The following MAIP1 variants were observed in gnomAD, a reference collection of about 807,000 sequenced individuals.
The protein encoded by MAIP1 is matrix AAA peptidase interacting protein 1.
MAIP1 carries 28 observed loss-of-function variants against 31.2 expected under a neutral mutation model. The ratio of observed to expected loss-of-function variants is 0.90; its 90% CI spans 0.67 to 1.23. The LOEUF is 1.23. Ranked by LOEUF, MAIP1 falls within the 50% of genes most tolerant of loss-of-function variation. The pLI, the probability that MAIP1 is intolerant of heterozygous loss-of-function variation, is 0.00. For synonymous variants in MAIP1, 142 were observed against 142.3 expected, an observed-to-expected ratio of 1.00 and a Z score of 0.02; for missense variants, 339 against 356.0, an observed-to-expected ratio of 0.95 and a Z score of 0.38.
chr2:199,960,997 C>T (rs1184369589), intron 3 of MAIP1, among the ~76,000 whole-genome samples: 1 of 152,142 alleles, frequency 6.6e-6, no homozygotes, highest in African/African-American at 2.4e-5. Context: ...CTAATTTTTG[C>T]ATCAGGAGTT....
At chr2:199,961,988 T>C in intron 4 of MAIP1, 60 bp downstream of exon 4, 1 of 1,393,152 alleles carries the variant, frequency 7.2e-7, no homozygotes, top group Non-Finnish European at 9.8e-7. Flanking sequence ...AGTGTGAAGG[T>C]ATGAAAACTA....
chr2:199,955,418 T>A, upstream of MAIP1: 2 of 1,613,906 alleles, frequency 1.2e-6, no homozygotes, highest in Non-Finnish European at 1.7e-6. Flanking sequence ...CTGCATGAAC[T>A]GCTCCCGAGA....
chr2:199,961,756 T>C, intron 3 of MAIP1, 25 bp from the exon 4 acceptor site: 2 of 1,588,264 alleles, frequency 1.3e-6, no homozygotes, highest in Non-Finnish European at 8.6e-7. Context: ...TGTATTCGTA[T>C]GTGTGTATAT....
At chr2:199,955,516 T>G, upstream of MAIP1, 1 of 1,598,872 alleles carries the variant, frequency 6.3e-7, no homozygotes. Context: ...ACTTCGGCTC[T>G]AAAGCGTTCC....
chr2:199,963,080 A>C (rs2077644946), intron 4 of MAIP1, among the ~76,000 whole-genome samples: 1 of 151,488 alleles, frequency 6.6e-6, no homozygotes, highest in African/African-American at 2.4e-5. Context: ...ATTTTGCTTT[A>C]TTTGTAATTA....
intron 3 of MAIP1, among the ~76,000 whole-genome samples, chr2:199,960,241 A>G (rs2077628968): frequency 6.6e-6 from 1 of 152,218 alleles, no homozygotes; most frequent in Non-Finnish European, 1.5e-5. Flanking sequence ...CTTTATATGG[A>G]AGGAATGAGG....
rs1250435567 is a variant in MAIP1 at position 199,961,859 on chromosome 2, C to G, written c.728C>G (p.Ala243Gly). The change falls in exon 4 of 5, where the codon GCC becomes GGC. Residue 243 changes from alanine to glycine, a missense_variant. Physicochemically the swap from Ala to Gly is moderately conservative, Grantham distance 60. Transcript: ENST00000392290. ...ATCCCCAGTGAAACTTTAAGAGGAG[C>G]CAGTGTATTCCAGGTTAAGTTGGGG... is the stretch of plus-strand genomic sequence containing the variant. Reference protein sequence around the residue: ...ANIPSETLRGASVFQVKLGNQ... With the variant: ...ANIPSETLRGGSVFQVKLGNQ... 6.2e-7 allele frequency: 1 copy of G among 1,613,764 alleles called. No individual in the cohort carries two copies. The highest frequency in any genetic ancestry group is 1.7e-5 in the Admixed American group (1 of 60,002).
At chr2:199,963,178 TACTAA>T (rs570995604) in intron 4 of MAIP1, among the ~76,000 whole-genome samples, 48 of 152,340 alleles carry the variant, frequency 3.2e-4, no homozygotes, top group Non-Finnish European at 5.9e-4. Flanking sequence ...CTGTCGTCAA[TACTAA>T]ACTTTATCTT....
chr2:199,958,502 G>A (rs545901460), intron 1 of MAIP1, among the ~76,000 whole-genome samples: 43 of 152,242 alleles, frequency 2.8e-4, no homozygotes, highest in African/African-American at 9.4e-4. Context: ...TTTCAGCTTA[G>A]ATGTTTCTTC....
At position 199,955,872 on chromosome 2, in the gene MAIP1, G is replaced by A. The variant is rs1252442156; in HGVS notation, c.74G>A (p.Arg25Gln). The A allele has an allele frequency of 3.9e-6, 6 of 1,542,346 alleles. No individual in the cohort carries two copies. Among genetic ancestry groups the A allele is most frequent in the South Asian group, 1.3e-5 (1 of 79,192 alleles). ...RSLPCGAVRL[R>Q]TPAVAEVRLP... ...CTGCCCTGCGGGGCCGTCCGACTCC[G>A]GACTCCTGCTGTGGCCGAGGTGAGG... is the stretch of plus-strand genomic sequence containing the variant. Residue 25 changes from arginine (R) to glutamine (Q), a missense_variant, in exon 1 of 5, where the codon CGG (arginine) becomes CAG (glutamine). Physicochemically the swap from Arg to Gln is conservative, Grantham distance 43 (BLOSUM62 1). Transcript: ENST00000392290.
chr2:199,955,826 C>T lies in MAIP1; in HGVS notation c.28C>T (p.Gln10Ter), dbSNP rs767106251. Residue 10 changes from glutamine to a stop codon, truncating the protein, a stop_gained, in exon 1 of 5, where the codon CAG (glutamine) becomes TAG (stop). Coordinates refer to ENST00000392290, the MANE Select transcript of MAIP1 (RefSeq NM_001394955.1). LOFTEE classifies it high-confidence loss of function. MALAARLLP[Q>*]FLHSRSLPCG... is the part of the protein sequence containing the mutation. ...GGCGCTGGCCGCTCGTTTGCTACCC[C>T]AGTTCCTGCACTCTCGGTCGCTGCC... The T allele has an allele frequency of 2.4e-5, 36 of 1,518,762 alleles. No individual in the cohort carries two copies. The highest frequency in any genetic ancestry group is 3.1e-5 in the Non-Finnish European group (35 of 1,135,472). 94.1% of individuals were successfully genotyped at this position (1,518,762 alleles called of 1,614,324 possible). A position where few individuals can be genotyped will look rare whatever the true frequency, so the allele number is the denominator to read the frequency against.
Position 199,961,867 on chromosome 2 carries a change from T to C in MAIP1, c.736T>C (p.Phe246Leu). 6.2e-7 allele frequency: 1 copy of C among 1,614,054 alleles called. No homozygotes were observed. The highest frequency in any genetic ancestry group is 8.5e-7 in the Non-Finnish European group (1 of 1,179,938). Residue 246 changes from phenylalanine (F) to leucine (L), a missense_variant, in exon 4 of 5, where the codon TTC becomes CTC. Transcript: ENST00000392290. Reference protein sequence around the residue: ...PSETLRGASVFQVKLGNQNVE... With the variant: ...PSETLRGASVLQVKLGNQNVE... ...TGAAACTTTAAGAGGAGCCAGTGTA[T>C]TCCAGGTTAAGTTGGGGAATCAGAA... is the stretch of plus-strand genomic sequence containing the variant.
In MAIP1 at chr2:199,961,802, T is replaced by G; in HGVS notation, c.671T>G (p.Leu224Arg). Residue 224 changes from leucine to arginine, a missense_variant, in exon 4 of 5, where the codon CTG becomes CGG. Physicochemically the swap from Leu to Arg is moderately radical, Grantham distance 102 (BLOSUM62 -2). Transcript: ENST00000392290. ...DEKGRKFVNI[L>R]MCFWYLTSAN... is the part of the protein sequence containing the mutation. ...TAAGGAAGGAAGTTTGTTAACATCC[T>G]GATGTGCTTTTGGTATCTAACCAGT... 1 of 1,613,630 alleles carries G rather than the reference T, an allele frequency of 6.2e-7. No homozygotes were observed. The highest frequency in any genetic ancestry group is 8.5e-7 in the Non-Finnish European group (1 of 1,179,792).
intron 1 of MAIP1, among the ~76,000 whole-genome samples, chr2:199,957,239 A>G (rs901483012): frequency 1.3e-5 from 2 of 152,142 alleles, no homozygotes; most frequent in African/African-American, 4.8e-5. Context: ...TCTCTTCTAA[A>G]AATACAAAAA....
upstream of MAIP1, chr2:199,955,345 G>A (rs2077588393): frequency 1.9e-6 from 3 of 1,595,594 alleles, no homozygotes; most frequent in South Asian, 1.1e-5. Flanking sequence ...AGGTAAAGAC[G>A]TGTCTCTCGC....
intron 1 of MAIP1, among the ~76,000 whole-genome samples, chr2:199,958,752 A>G (rs1195770035): frequency 6.6e-6 from 1 of 152,172 alleles, no homozygotes; most frequent in East Asian, 1.9e-4. Context: ...ATGGAATTTC[A>G]TACTTCAAAG....
At chr2:199,958,226 C>G (rs539470682) in intron 1 of MAIP1, among the ~76,000 whole-genome samples, 1 of 152,140 alleles carries the variant, frequency 6.6e-6, no homozygotes, top group African/African-American at 2.4e-5. Context: ...CCTGTGCATG[C>G]GTGCTCCTGG....
chr2:199,960,323 T>C (rs1214496925), intron 3 of MAIP1, among the ~76,000 whole-genome samples: 1 of 152,174 alleles, frequency 6.6e-6, no homozygotes, highest in African/African-American at 2.4e-5. Context: ...AACTCCCAAA[T>C]TGGATCTATT....
chr2:199,960,105 A>T, intron 3 of MAIP1, among the ~76,000 whole-genome samples: 1 of 152,228 alleles, frequency 6.6e-6, no homozygotes, highest in Non-Finnish European at 1.5e-5. Flanking sequence ...TATTTTATTC[A>T]CAGTAGAGAA....
Sources: gnomAD v4.1 joint callset for allele counts (sites outside exome capture counted in the v4.1 genomes callset) on GRCh38, gnomAD v4.1.1 for gene constraint, MANE v1.5 for transcripts, NCBI Gene and HGNC (gene_info 2026-07-23, HGNC 2026-07-21) for gene names.